ZFAND2A: variants seen among roughly 807,000 people sequenced by gnomAD.
The protein encoded by ZFAND2A is AN1-type zinc finger protein 2A.
In ZFAND2A, 20 loss-of-function variants were observed where a neutral mutation model predicts 11.6. The observed-to-expected ratio is 1.72, with a 90% CI of 1.21 to 2.50. The LOEUF (loss-of-function observed/expected upper bound fraction) is 2.50. Among genes scored for constraint, ZFAND2A ranks in the 30% most tolerant of loss-of-function variants. The probability of loss-of-function intolerance (pLI) is 0.00; values close to 1 mark genes in which losing one functional copy is unlikely to be tolerated. For synonymous variants in ZFAND2A, 93 were observed against 60.6 expected, an observed-to-expected ratio of 1.54 and a Z score of -2.48; for missense variants, 234 against 182.9, an observed-to-expected ratio of 1.28 and a Z score of -1.61.
intron 3 of ZFAND2A, chr7:1,155,806 G>T: frequency 4.6e-6 from 2 of 432,034 alleles, no homozygotes; most frequent in Non-Finnish European, 4.0e-6. Context: ...AAGTTTCAAC[G>T]AATGGACTTC....
intron 3 of ZFAND2A, 82 bp from the exon 4 acceptor site, chr7:1,155,666 G>A: frequency 4.6e-6 from 7 of 1,529,950 alleles, no homozygotes; most frequent in East Asian, 2.3e-5. Context: ...CTCCTGTGCG[G>A]CACACTTAAA....
downstream of ZFAND2A, chr7:1,152,348 C>A: frequency 3.8e-6 from 6 of 1,561,076 alleles, no homozygotes; most frequent in Non-Finnish European, 5.2e-6. Context: ...TGAGCACCTA[C>A]AGAGAGGGTG....
intron 4 of ZFAND2A, among the ~76,000 whole-genome samples, chr7:1,153,950 AAAG>A (rs201827935): frequency 6.8e-6 from 1 of 146,694 alleles, no homozygotes; most frequent in African/African-American, 2.5e-5. Flanking sequence ...CTTTAAAAAG[AAAG>A]AAAAAAAAAA....
rs138229199 is a variant in ZFAND2A, at chr7:1,155,318, T to TAA, written c.282+133_282+134dup. 0.016 allele frequency: 20,500 copies of TAA among 1,262,636 alleles called. 923 individuals carry two copies. The East Asian group carries it at 0.2, about 12-fold the overall frequency. 78.2% of individuals were successfully genotyped at this position (1,262,636 alleles called of 1,614,324 possible). A position where few individuals can be genotyped will look rare whatever the true frequency, so the allele number is the denominator to read the frequency against. ...GGCCCCTCGCAGTTTAGGACAGGGA[T>TAA]AACGCAGCGTTAGGACTCTTCTTTT... On this transcript the variant is annotated intron_variant, in intron 4 of 4. Coordinates refer to ENST00000316495, the MANE Select transcript of ZFAND2A (RefSeq NM_182491.4).
intron 3 of ZFAND2A, chr7:1,156,984 G>C (rs1206269192): frequency 6.6e-6 from 1 of 152,182 alleles, no homozygotes; most frequent in Non-Finnish European, 1.5e-5. Context: ...GCCAACACTG[G>C]TCAAAGCACA....
downstream of ZFAND2A, among the ~76,000 whole-genome samples, chr7:1,150,792 C>A (rs1793383485): frequency 6.6e-6 from 1 of 152,060 alleles, no homozygotes; most frequent in Admixed American, 6.6e-5. Context: ...ACAGAGCCAT[C>A]TTCAACAGGT....
downstream of ZFAND2A, among the ~76,000 whole-genome samples, chr7:1,149,855 T>G (rs1009817856): frequency 1.2e-5 from 1 of 81,470 alleles, no homozygotes; most frequent in Non-Finnish European, 2.6e-5. Context: ...GTTCTTAAGT[T>G]TTTTTTTTTT....
At chr7:1,151,762 T>TTAAAAAAAAAAAAAAAAAAAAAAAA (rs1554344524), downstream of ZFAND2A, among the ~76,000 whole-genome samples, 2 of 87,158 alleles carry the variant, frequency 2.3e-5, no homozygotes, top group African/African-American at 5.6e-5. Flanking sequence ...TCATCCCTTT[T>TTAAAAAAAAAAAAAAAAAAAAAAAA]AAAAAAAAAA....
At chr7:1,155,683 G>T in intron 3 of ZFAND2A, 99 bp from the exon 4 acceptor site, 1 of 1,479,632 alleles carries the variant, frequency 6.8e-7, no homozygotes, top group East Asian at 2.4e-5. Context: ...TAAACACAAA[G>T]AGAGGACAAA....
chr7:1,158,077 C>G, intron 2 of ZFAND2A, 81 bp downstream of exon 2: 3 of 1,394,158 alleles, frequency 2.2e-6, no homozygotes, highest in Admixed American at 3.5e-5. Flanking sequence ...GGCCAAGACA[C>G]AATTATCAGC....
rs748002025 is a variant in ZFAND2A, at chr7:1,157,691, A to G, written c.115T>C (p.Tyr39His). ...GCAAACGGACACTTATGTGCAGCGT[A>G]TGGAAAATGATCTTTACAGAAATCT... ...KQDFCKDHFPYAAHKCPFAFQ... is the reference protein window; with the variant it reads ...KQDFCKDHFPHAAHKCPFAFQ... The change falls in exon 3 of 5, where the codon TAC (tyrosine) becomes CAC (histidine). Residue 39 changes from tyrosine (Y) to histidine (H), a missense_variant. Physicochemically the swap from Tyr to His is moderately conservative, Grantham distance 83 (BLOSUM62 2). Transcript: ENST00000316495. 2 of 1,568,396 alleles carry G rather than the reference A, an allele frequency of 1.3e-6. No individual in the cohort carries two copies. Among genetic ancestry groups the G allele is most frequent in the Non-Finnish European group, 8.6e-7 (1 of 1,162,694 alleles).
At position 1,157,759 on chromosome 7, in the gene ZFAND2A, CAA is replaced by C. The variant is rs750720013; in HGVS notation, c.56-11_56-10del. The C allele has an allele frequency of 3.8e-5, 58 of 1,536,852 alleles. No individual in the cohort carries two copies. Among genetic ancestry groups the C allele is most frequent in the Non-Finnish European group, 3.5e-5 (40 of 1,144,360 alleles). On this transcript the variant is annotated splice_polypyrimidine_tract_variant and intron_variant, in intron 2 of 4. Coordinates refer to ENST00000316495, the MANE Select transcript of ZFAND2A (RefSeq NM_182491.4). ...TTTTACTGGAAGAAAATCTAAAAAA[CAA>C]AAAACAGGGAAGTGTTTTAACGACT...
At chr7:1,149,156 A>C (rs143294133), downstream of ZFAND2A, among the ~76,000 whole-genome samples, 88 of 152,312 alleles carry the variant, frequency 5.8e-4, no homozygotes, top group African/African-American at 2.0e-3. Context: ...GACTTTAAAA[A>C]TTAAAAACAT....
downstream of ZFAND2A, among the ~76,000 whole-genome samples, chr7:1,151,356 G>A (rs983775685): frequency 6.6e-6 from 1 of 150,818 alleles, no homozygotes; most frequent in Non-Finnish European, 1.5e-5. Flanking sequence ...AGAACCCTCG[G>A]CCAGGCAGGT....
At chr7:1,153,723 T>C (rs1419684096) in intron 4 of ZFAND2A, among the ~76,000 whole-genome samples, 5 of 152,126 alleles carry the variant, frequency 3.3e-5, no homozygotes, top group South Asian at 2.1e-4. Context: ...GATGGGTGGA[T>C]TGCCTGAGCT....
At chr7:1,150,535 G>A (rs889627600), downstream of ZFAND2A, among the ~76,000 whole-genome samples, 1 of 152,144 alleles carries the variant, frequency 6.6e-6, no homozygotes, top group South Asian at 2.1e-4. Context: ...CAGTATTTAC[G>A]TTACCCGTGT....
intron 1 of ZFAND2A, 47 bp from the exon 2 acceptor site, chr7:1,158,304 A>G (rs1793581217): frequency 8.7e-7 from 1 of 1,144,504 alleles, no homozygotes; most frequent in Non-Finnish European, 1.3e-6. Context: ...ACTGCCCTTC[A>G]GTCACCAGGA....
At position 1,158,456 on chromosome 7, in the gene ZFAND2A, A is replaced by G. The variant is rs184172304; in HGVS notation, c.-45-199T>C. Among the ~76,000 whole-genome samples, 36 of 152,306 alleles carry G rather than the reference A, an allele frequency of 2.4e-4. No individual in the cohort carries two copies. The East Asian group carries it at 6.9e-3, about 29-fold the overall frequency. ...CACGGACTCCTTCACAGGCCTTTTA[A>G]TTCCTAGTCTATGAAGCACTCCTTG... is the stretch of plus-strand genomic sequence containing the variant. On this transcript the variant is annotated intron_variant, in intron 1 of 4. Transcript: ENST00000316495.
chr7:1,154,866 T>C (rs1378050162), intron 4 of ZFAND2A, among the ~76,000 whole-genome samples: 2 of 152,192 alleles, frequency 1.3e-5, no homozygotes, highest in East Asian at 3.8e-4. Flanking sequence ...ACACCTATAA[T>C]CTCAGCACTT....
Sources: gnomAD v4.1 joint callset for allele counts (sites outside exome capture counted in the v4.1 genomes callset) on GRCh38, gnomAD v4.1.1 for gene constraint, MANE v1.5 for transcripts, NCBI Gene and HGNC (gene_info 2026-07-23, HGNC 2026-07-21) for gene names.